Variants in DLGAP1 observed in about 807,000 individuals in gnomAD.
The protein encoded by DLGAP1 is disks large-associated protein 1.
Under a neutral mutation model 90.8 loss-of-function variants are expected in DLGAP1, and 11 were observed. The observed-to-expected ratio is 0.12, with a 90% CI of 0.08 to 0.20. DLGAP1 has a LOEUF of 0.20. DLGAP1 is among the 10% of genes least tolerant of loss of function. The probability of loss-of-function intolerance (pLI) is 1.00; values close to 1 mark genes in which losing one functional copy is unlikely to be tolerated. For synonymous variants in DLGAP1, 558 were observed against 540.7 expected (o/e 1.03, Z -0.44); for missense variants, 1,050 against 1,333.8 (o/e 0.79, Z 3.31).
chr18:3,937,479 T>C lies in DLGAP1; in HGVS notation c.-72-57339A>G, dbSNP rs545216412. Among the ~76,000 whole-genome samples the C allele has an allele frequency of 2.6e-5, 4 of 152,232 alleles. No homozygotes were observed. The South Asian group carries it at 8.3e-4, about 32-fold the overall frequency. On this transcript the variant is annotated intron_variant, in intron 3 of 12. Transcript: ENST00000315677. ...AGTATGGGGGAACCTGCCCCCATGA[T>C]TCAATTATCTCCACGTGACCCCGCC...
At chr18:3,523,816 C>A (rs1357632636) in intron 10 of DLGAP1, among the ~76,000 whole-genome samples, 1 of 150,812 alleles carries the variant, frequency 6.6e-6, no homozygotes, top group Non-Finnish European at 1.5e-5. Context: ...CCACTGCACT[C>A]CAGCCTGGGC....
intron 2 of DLGAP1, among the ~76,000 whole-genome samples, chr18:4,030,055 C>T (rs1009123369): frequency 5.3e-5 from 8 of 152,142 alleles, no homozygotes; most frequent in African/African-American, 1.4e-4. Flanking sequence ...AGCAGTGGCG[C>T]GATCTCGGCT....
intron 5 of DLGAP1, among the ~76,000 whole-genome samples, chr18:3,801,660 G>A (rs890863411): frequency 6.6e-6 from 1 of 152,166 alleles, no homozygotes; most frequent in Non-Finnish European, 1.5e-5. Context: ...CACAGAGGAA[G>A]TGCTTCTAAG....
intron 2 of DLGAP1, among the ~76,000 whole-genome samples, chr18:4,061,405 T>C (rs1336646143): frequency 6.6e-6 from 1 of 152,124 alleles, no homozygotes; most frequent in South Asian, 2.1e-4. Flanking sequence ...TGTGTGAACA[T>C]ATTAGCTAAA....
At chr18:4,278,386 C>A (rs1453344984) in intron 1 of DLGAP1, among the ~76,000 whole-genome samples, 11 of 152,164 alleles carry the variant, frequency 7.2e-5, no homozygotes, top group African/African-American at 2.7e-4. Flanking sequence ...AGAACCATCA[C>A]TTAACTAGTG....
chr18:3,652,370 C>T (rs536944744), intron 7 of DLGAP1, among the ~76,000 whole-genome samples: 1 of 152,126 alleles, frequency 6.6e-6, no homozygotes, highest in Non-Finnish European at 1.5e-5. Context: ...CTCTGTTGAC[C>T]AGGCTGGAGT....
chr18:4,019,502 T>G (rs985867474), intron 2 of DLGAP1, among the ~76,000 whole-genome samples: 5 of 152,166 alleles, frequency 3.3e-5, no homozygotes, highest in African/African-American at 1.2e-4. Flanking sequence ...ATTATGCAAA[T>G]GTGTATTTTC....
At chr18:3,661,704 G>A (rs28706323) in intron 7 of DLGAP1, among the ~76,000 whole-genome samples, 1,849 of 150,938 alleles carry the variant, frequency 0.012, 40 homozygotes, top group African/African-American at 0.043. Flanking sequence ...AGCCTCCCAC[G>A]TAGCTGGGAT....
intron 1 of DLGAP1, among the ~76,000 whole-genome samples, chr18:4,450,655 T>C (rs2083801026): frequency 6.6e-6 from 1 of 152,200 alleles, no homozygotes; most frequent in Non-Finnish European, 1.5e-5. Flanking sequence ...CCTGGCAAGA[T>C]TGAGCAGTTC....
At chr18:3,717,579 A>G (rs536504271) in intron 7 of DLGAP1, among the ~76,000 whole-genome samples, 44 of 152,290 alleles carry the variant, frequency 2.9e-4, no homozygotes, top group African/African-American at 9.1e-4. Flanking sequence ...TTGGGGTGAC[A>G]TGTGACCACC....
chr18:4,159,575 C>T (rs1220986930), intron 1 of DLGAP1, among the ~76,000 whole-genome samples: 1 of 152,112 alleles, frequency 6.6e-6, no homozygotes, highest in Non-Finnish European at 1.5e-5. Context: ...AAGCTCCCCA[C>T]GGAATGAACC....
rs529730680 is a variant in DLGAP1 at position 4,224,815 on chromosome 18, C to T, written c.-266-73528G>A. On this transcript the variant is annotated intron_variant, in intron 1 of 12. Coordinates refer to ENST00000315677, the MANE Select transcript of DLGAP1 (RefSeq NM_004746.4). ...GATACAAGCCTGGCTGGTGTTGCCA[C>T]CTGCAGATTGTAGAGCCCTAAGGCC... is the stretch of plus-strand genomic sequence containing the variant. Among the ~76,000 whole-genome samples the T allele has an allele frequency of 1.6e-4, 25 of 152,258 alleles. 1 individual carries two copies. Among genetic ancestry groups the T allele is most frequent in the African/African-American group, 5.8e-4 (24 of 41,552 alleles).
intron 4 of DLGAP1, among the ~76,000 whole-genome samples, chr18:3,857,876 C>T (rs757789963): frequency 2.0e-5 from 3 of 152,208 alleles, no homozygotes; most frequent in Non-Finnish European, 2.9e-5. Flanking sequence ...ATTCCTCCCT[C>T]TTCCTCATCC....
chr18:4,321,857 T>C (rs2080694157), intron 1 of DLGAP1, among the ~76,000 whole-genome samples: 1 of 152,156 alleles, frequency 6.6e-6, no homozygotes, highest in African/African-American at 2.4e-5. Context: ...AGATGTTGTC[T>C]CAAGCAAAAA....
intron 3 of DLGAP1, chr18:3,897,178 T>C (rs997095407): frequency 2.0e-5 from 3 of 152,332 alleles, no homozygotes; most frequent in Admixed American, 6.5e-5. Flanking sequence ...ACCGTTATGA[T>C]AGGTGAGGAA....
intron 7 of DLGAP1, among the ~76,000 whole-genome samples, chr18:3,685,041 C>A (rs889978224): frequency 3.3e-5 from 5 of 152,180 alleles, no homozygotes; most frequent in Admixed American, 6.5e-5. Context: ...CCCCTGTAAA[C>A]ATTTGGAATA....
At chr18:3,905,564 C>A (rs1274953869) in intron 3 of DLGAP1, among the ~76,000 whole-genome samples, 1 of 151,848 alleles carries the variant, frequency 6.6e-6, no homozygotes, top group Non-Finnish European at 1.5e-5. Flanking sequence ...GGTAACTCTC[C>A]CTCTTTCTTC....
At chr18:3,757,087 G>A (rs937384637) in intron 5 of DLGAP1, among the ~76,000 whole-genome samples, 1 of 152,128 alleles carries the variant, frequency 6.6e-6, no homozygotes, top group Admixed American at 6.5e-5. Context: ...ATCCATGAGA[G>A]TAGTATCACC....
intron 3 of DLGAP1, among the ~76,000 whole-genome samples, chr18:3,980,844 T>C (rs1300093704): frequency 6.6e-6 from 1 of 152,224 alleles, no homozygotes; most frequent in Non-Finnish European, 1.5e-5. Context: ...ATCAAGCTAA[T>C]TAACATATCT....
Sources: allele counts gnomAD v4.1 joint callset (sites outside exome capture counted in the v4.1 genomes callset), GRCh38; gene constraint gnomAD v4.1.1; transcripts MANE v1.5; gene names NCBI Gene and HGNC (gene_info 2026-07-23, HGNC 2026-07-21).